DNAH10: variants seen among roughly 807,000 people sequenced by gnomAD.
The protein encoded by DNAH10 is axonemal beta dynein heavy chain 10.
DNAH10 carries 348 observed loss-of-function variants against 506.6 expected under a neutral mutation model. The observed-to-expected ratio is 0.69, with a 90% CI of 0.63 to 0.75. The LOEUF is 0.75. Ranked by LOEUF, DNAH10 falls within the 30% of genes least tolerant of loss-of-function variation. DNAH10 has a pLI of 0.00. For missense variants in DNAH10, 5,179 were observed against 5,787.1 expected, an observed-to-expected ratio of 0.89 and a Z score of 3.41; for synonymous variants, 2,059 against 2,198.6, an observed-to-expected ratio of 0.94 and a Z score of 1.78.
intron 61 of DNAH10, 139 bp downstream of exon 61, chr12:123,914,689 G>C: frequency 7.2e-7 from 1 of 1,388,224 alleles, no homozygotes; most frequent in Non-Finnish European, 9.6e-7. Flanking sequence ...GAAGTGGCCG[G>C]GCAAGCTGCA....
chr12:123,886,470 C>T (rs1001990542), intron 51 of DNAH10, among the ~76,000 whole-genome samples: 7 of 130,358 alleles, frequency 5.4e-5, no homozygotes, highest in African/African-American at 1.7e-4. Flanking sequence ...GGTTGCGTTG[C>T]GCGCGCGCGC....
chr12:123,897,787 C>T lies in DNAH10; in HGVS notation c.9298C>T (p.Pro3100Ser). ...KSFLGYNPMIPAENIENVVKH... is the reference protein window; with the variant it reads ...KSFLGYNPMISAENIENVVKH... ...CTCTTCAGGGTATAATCCAATGATC[C>T]CGGCAGAAAATATAGAAAATGTGGT... Residue 3100 changes from proline to serine, a missense_variant, in exon 55 of 79, where the codon CCG becomes TCG. Physicochemically the swap from Pro to Ser is moderately conservative, Grantham distance 74 (BLOSUM62 -1). Around this residue, in one of 3 missense-constraint regions of DNAH10, gnomAD observed 4,844 missense variants for 5,430.5 expected, o/e 0.89. Transcript: ENST00000673944. 6.2e-7 allele frequency: 1 copy of T among 1,607,114 alleles called. No homozygotes were observed. Among genetic ancestry groups the T allele is most frequent in the Non-Finnish European group, 8.5e-7 (1 of 1,178,156 alleles).
At chr12:123,809,633 A>G (rs1958849016) in intron 19 of DNAH10, among the ~76,000 whole-genome samples, 1 of 143,418 alleles carries the variant, frequency 7.0e-6, no homozygotes, top group Non-Finnish European at 1.5e-5. Context: ...TGGGCAACAG[A>G]GCAAGACCGT....
intron 15 of DNAH10, among the ~76,000 whole-genome samples, chr12:123,800,941 T>A (rs1377223058): frequency 6.6e-6 from 1 of 151,550 alleles, no homozygotes; most frequent in African/African-American, 2.4e-5. Context: ...TGCCTGAACC[T>A]GGCAGGCAGA....
intron 32 of DNAH10, among the ~76,000 whole-genome samples, chr12:123,847,400 A>G (rs1951005561): frequency 1.3e-5 from 2 of 152,048 alleles, no homozygotes; most frequent in Non-Finnish European, 2.9e-5. Flanking sequence ...TCATGTGATG[A>G]TAGGGTCTGA....
At chr12:123,826,930 AGT>A in intron 25 of DNAH10, 32 bp downstream of exon 25, 1 of 1,571,496 alleles carries the variant, frequency 6.4e-7, no homozygotes, top group East Asian at 2.2e-5. Context: ...CAGATGTAAA[AGT>A]GTGGGAGGAG....
chr12:123,897,679 C>T, intron 54 of DNAH10, 91 bp from the exon 55 acceptor site: 15 of 1,365,266 alleles, frequency 1.1e-5, no homozygotes, highest in East Asian at 2.5e-5. Flanking sequence ...GAGCCATGAT[C>T]ACGCCACTGC....
intron 35 of DNAH10, among the ~76,000 whole-genome samples, chr12:123,852,158 T>G (rs1292840712): frequency 6.6e-6 from 1 of 152,186 alleles, no homozygotes; most frequent in African/African-American, 2.4e-5. Flanking sequence ...ATTTTGTCAC[T>G]TTGAGAATGT....
Position 123,925,051 on chromosome 12 carries a change from G to T in DNAH10, c.11768G>T (p.Trp3923Leu). ...ATGAATATTCTTTGCTTTTCCCAGT[G>T]GTATGACCTGGATTCACTGGAGCAG... ...VENNQTVWQE[W>L]YDLDSLEQFP... is the part of the protein sequence containing the mutation. The change falls in exon 68 of 79, where the codon TGG (tryptophan) becomes TTG (leucine). Residue 3923 changes from tryptophan to leucine, a missense_variant and splice_region_variant. Coordinates refer to ENST00000673944, the MANE Select transcript of DNAH10 (RefSeq NM_001372106.1). This position sits in a 1 kb window ranked among gnomAD's most constrained non-coding sequence, Gnocchi z 4.0. 1 of 1,613,920 alleles carries T rather than the reference G, an allele frequency of 6.2e-7. No individual in the cohort carries two copies. The highest frequency in any genetic ancestry group is 8.5e-7 in the Non-Finnish European group (1 of 1,179,844).
chr12:123,816,551 T>C (rs769636708), intron 21 of DNAH10, among the ~76,000 whole-genome samples: 15 of 152,154 alleles, frequency 9.9e-5, no homozygotes, highest in Non-Finnish European at 1.3e-4. Context: ...AGCTTATGCG[T>C]CTCTTTCGTT....
At chr12:123,870,580 C>G in intron 44 of DNAH10, 95 bp downstream of exon 44, 2 of 1,473,654 alleles carry the variant, frequency 1.4e-6, no homozygotes, top group South Asian at 1.3e-5. Flanking sequence ...CTCTGGTACT[C>G]TAAGTCCCAC....
At chr12:123,772,270 T>C (rs1047650680) in intron 3 of DNAH10, among the ~76,000 whole-genome samples, 1 of 152,064 alleles carries the variant, frequency 6.6e-6, no homozygotes, top group Non-Finnish European at 1.5e-5. Context: ...TTCACCAAAC[T>C]CGCATTGTTA....
rs780013690 is a variant in DNAH10, at chr12:123,929,312, T to C, written c.12344T>C (p.Met4115Thr). Residue 4115 changes from methionine to threonine, a missense_variant, in exon 71 of 79, where the codon ATG becomes ACG. Transcript: ENST00000673944. ...TEPPNGLKLN[M>T]RATYFKISHE... ...CCACCCAATGGGCTGAAACTCAACA[T>C]GAGGGCAACTTACTTCAAGATCTCT... 40 of 1,604,716 alleles carry C rather than the reference T, an allele frequency of 2.5e-5. No homozygotes were observed. The highest frequency in any genetic ancestry group is 3.3e-4 in the Middle Eastern group (2 of 6,072).
rs749063421 is a variant in DNAH10, at chr12:123,803,716, C to G, written c.2670C>G (p.Leu890=). 2 of 1,610,944 alleles carry G rather than the reference C, an allele frequency of 1.2e-6. No individual in the cohort carries two copies. The highest frequency in any genetic ancestry group is 2.2e-5 in the South Asian group (2 of 90,428). ...CKQAIGKFES[L]VHQIHKNADD... ...AGGCCATTGGGAAATTTGAGTCTCT[C>G]GTCCACCAGATTCATAAGAATGCAG... is the stretch of plus-strand genomic sequence containing the variant. Residue 890 remains leucine, a synonymous_variant, in exon 17 of 79, where the codon CTC becomes CTG. Transcript: ENST00000673944.
chr12:123,857,146 C>T lies in DNAH10; in HGVS notation c.6529C>T (p.Leu2177=), dbSNP rs985835038. The T allele has an allele frequency of 6.2e-7, 1 of 1,611,478 alleles. No homozygotes were observed. The highest frequency in any genetic ancestry group is 1.3e-5 in the African/African-American group (1 of 74,938). ...VPLFLGLISD[L]FPGLDCPRVR... ...TCTTTTCCTTGGTTTGATTTCGGAT[C>T]TGTTTCCTGGGCTGGACTGCCCTCG... The change falls in exon 37 of 79, where the codon CTG becomes TTG. Residue 2177 remains leucine (L), a synonymous_variant. Transcript: ENST00000673944.
chr12:123,796,530 A>T, intron 12 of DNAH10, 126 bp from the exon 13 acceptor site: 1 of 792,400 alleles, frequency 1.3e-6, no homozygotes, highest in Non-Finnish European at 2.0e-6. Flanking sequence ...CAGTGAAAAC[A>T]CTATTCTGCA....
In DNAH10 at chr12:123,813,248, T is replaced by C. The variant is rs1417147624; in HGVS notation, c.3229T>C (p.Tyr1077His). 2 of 1,614,176 alleles carry C rather than the reference T, an allele frequency of 1.2e-6. No homozygotes were observed. Among genetic ancestry groups the C allele is most frequent in the South Asian group, 1.1e-5 (1 of 91,072 alleles). The change falls in exon 20 of 79, where the codon TAC (tyrosine) becomes CAC (histidine). Residue 1077 changes from tyrosine (Y) to histidine (H), a missense_variant. Transcript: ENST00000673944. Reference protein sequence around the residue: ...EEEEVVIINFYNDISLNPQII... With the variant: ...EEEEVVIINFHNDISLNPQII... ...AGAGGAAGTTGTTATAATAAACTTT[T>C]ACAATGATATCTCTCTGAACCCTCA... is the stretch of plus-strand genomic sequence containing the variant.
chr12:123,874,291 C>T (rs1288292326), intron 46 of DNAH10, among the ~76,000 whole-genome samples: 1 of 151,178 alleles, frequency 6.6e-6, no homozygotes, highest in Non-Finnish European at 1.5e-5. Flanking sequence ...ATCCATCCAT[C>T]CATCCATCCA....
At chr12:123,935,032 T>G in intron 78 of DNAH10, 1 of 602,602 alleles carries the variant, frequency 1.7e-6, no homozygotes, top group East Asian at 2.8e-5. Context: ...AAGGGGAGAC[T>G]CCCTCCCTTC....
Sources: gnomAD v4.1 joint callset for allele counts (sites outside exome capture counted in the v4.1 genomes callset) on GRCh38, gnomAD v4.1.1 for gene constraint, gnomAD v4.1.1 regional missense constraint, Gnocchi (gnomAD v3.1) non-coding constraint, MANE v1.5 for transcripts, NCBI Gene and HGNC (gene_info 2026-07-23, HGNC 2026-07-21) for gene names.